Variants in FRAS1 observed in about 807,000 individuals in gnomAD.
FRAS1 encodes Fraser extracellular matrix complex subunit 1, also known as extracellular matrix organizing protein FRAS1.
Under a neutral mutation model 435.2 loss-of-function variants are expected in FRAS1, and 290 were observed. That is an observed-to-expected ratio of 0.67 (90% confidence interval 0.61 to 0.73). FRAS1 has a LOEUF of 0.73. Ranked by LOEUF, FRAS1 falls within the 30% of genes least tolerant of loss-of-function variation. The pLI is 0.00. For missense variants in FRAS1, 4,860 were observed against 5,001.5 expected (o/e 0.97, Z 0.85); for synonymous variants, 1,800 against 1,851.0 (o/e 0.97, Z 0.71).
At chr4:78,469,897 G>T (rs1719649414) in intron 50 of FRAS1, 81 bp from the exon 51 acceptor site, 1 of 983,830 alleles carries the variant, frequency 1.0e-6, no homozygotes, top group Non-Finnish European at 1.6e-6. Context: ...GACTTCAGAG[G>T]TTACAGCTGT....
At chr4:78,125,227 T>A (rs1719277522) in intron 2 of FRAS1, among the ~76,000 whole-genome samples, 1 of 152,240 alleles carries the variant, frequency 6.6e-6, no homozygotes, top group Non-Finnish European at 1.5e-5. Flanking sequence ...TCTTTATTTC[T>A]GACTTTATTT....
At position 78,162,248 on chromosome 4, in the gene FRAS1, A is replaced by C. The variant is rs184735652; in HGVS notation, c.109-75262A>C. On this transcript the variant is annotated intron_variant, in intron 2 of 73. Coordinates refer to ENST00000512123, the MANE Select transcript of FRAS1 (RefSeq NM_025074.7). ...CTATACCTGAAAGGATCCACAAGAAAAAGGTTTTTAAACCAGTATACGTGG... is the reference window on the plus strand; with the variant it reads ...CTATACCTGAAAGGATCCACAAGAACAAGGTTTTTAAACCAGTATACGTGG... Among the ~76,000 whole-genome samples, 419 of 152,302 alleles carry C rather than the reference A, an allele frequency of 2.8e-3. 5 individuals are homozygous for C. The highest frequency in any genetic ancestry group is 2.1e-3 in the Non-Finnish European group (141 of 68,024).
At position 78,497,373 on chromosome 4, in the gene FRAS1, T is replaced by C. The variant is rs574661760; in HGVS notation, c.9115+412T>C. ...ATTTCTCAGTTTTCTTCTCTCTAAT[T>C]GATTTGGCCTACTAACCTAAAAAAA... On this transcript the variant is annotated intron_variant, in intron 60 of 73. Transcript: ENST00000512123. Among the ~76,000 whole-genome samples, 131 of 150,820 alleles carry C rather than the reference T, an allele frequency of 8.7e-4. 1 individual carries two copies. In the Middle Eastern group the frequency reaches 0.024, roughly 28 times the overall value.
At chr4:78,306,199 C>G (rs1457211752) in intron 14 of FRAS1, among the ~76,000 whole-genome samples, 1 of 151,960 alleles carries the variant, frequency 6.6e-6, no homozygotes, top group Non-Finnish European at 1.5e-5. Flanking sequence ...CCCCCACTCT[C>G]TTCTGGCTTG....
intron 54 of FRAS1, among the ~76,000 whole-genome samples, chr4:78,477,241 T>C (rs1719878756): frequency 2.6e-5 from 4 of 152,240 alleles, no homozygotes; most frequent in Admixed American, 2.6e-4. Flanking sequence ...ATGGTGATAC[T>C]AATGATAATA....
chr4:78,325,720 T>G (rs139281068), intron 18 of FRAS1, among the ~76,000 whole-genome samples: 87 of 152,036 alleles, frequency 5.7e-4, no homozygotes, highest in African/African-American at 1.9e-3. Context: ...AAGCAAACAA[T>G]GAAAAGAGCA....
chr4:78,412,216 T>C (rs991806281), intron 31 of FRAS1, among the ~76,000 whole-genome samples: 4 of 149,912 alleles, frequency 2.7e-5, no homozygotes, highest in Non-Finnish European at 5.9e-5. Flanking sequence ...TATCCCTGCC[T>C]CTTTTTCTCA....
At chr4:78,493,399 C>A (rs900923738) in intron 59 of FRAS1, among the ~76,000 whole-genome samples, 1 of 152,118 alleles carries the variant, frequency 6.6e-6, no homozygotes, top group Non-Finnish European at 1.5e-5. Flanking sequence ...GACTTGGAAC[C>A]AACCCAAATG....
At chr4:78,231,336 G>A (rs976893132) in intron 2 of FRAS1, among the ~76,000 whole-genome samples, 4 of 151,150 alleles carry the variant, frequency 2.6e-5, no homozygotes, top group Non-Finnish European at 5.9e-5. Flanking sequence ...GTTGAAAAAC[G>A]GAAAATACAG....
rs1269069077 is a variant in FRAS1 at position 78,348,009 on chromosome 4, A to T, written c.2422+10192A>T. Among the ~76,000 whole-genome samples the T allele has an allele frequency of 4.2e-4, 3 of 7,194 alleles. 1 individual carries two copies. The highest frequency in any genetic ancestry group is 3.5e-3 in the East Asian group (3 of 860). The allele number at this position is 7,194 out of a possible 152,430, so 4.7% of individuals were successfully genotyped here. ...GAGGAGCCAAGATGGCCGAATAGGA[A>T]CAGCTCCGGTCTACAGCTCCCAGCG... On this transcript the variant is annotated intron_variant, in intron 20 of 73. Transcript: ENST00000512123.
rs1729213616 is a variant in FRAS1, at chr4:78,315,672, A to T, written c.1757A>T (p.Asp586Val). ...TGTACTGAGAAGACAGTGCTGCATG[A>T]TGGGAAATGCATGTCTGAATGCCCT... ...LTCTEKTVLH[D>V]GKCMSECPGG... The change falls in exon 16 of 74, where the codon GAT becomes GTT. Residue 586 changes from aspartate (D) to valine (V), a missense_variant. By Grantham distance (152) the Asp-to-Val change is radical. Coordinates refer to ENST00000512123, the MANE Select transcript of FRAS1 (RefSeq NM_025074.7). The T allele has an allele frequency of 1.2e-6, 2 of 1,613,926 alleles. No homozygotes were observed. Among genetic ancestry groups the T allele is most frequent in the Non-Finnish European group, 1.7e-6 (2 of 1,179,864 alleles).
At chr4:78,372,020 T>A (rs1027878571) in intron 23 of FRAS1, among the ~76,000 whole-genome samples, 2 of 152,002 alleles carry the variant, frequency 1.3e-5, no homozygotes, top group African/African-American at 2.4e-5. Flanking sequence ...TGATGACAAG[T>A]TCTACACCTA....
chr4:78,212,411 A>G (rs1324938234), intron 2 of FRAS1, among the ~76,000 whole-genome samples: 1 of 152,138 alleles, frequency 6.6e-6, no homozygotes, highest in Non-Finnish European at 1.5e-5. Context: ...GGAGCTTAAG[A>G]AAGGGAGAGG....
chr4:78,335,136 C>T (rs1245705376), intron 19 of FRAS1, among the ~76,000 whole-genome samples: 1 of 152,112 alleles, frequency 6.6e-6, no homozygotes, highest in African/African-American at 2.4e-5. Flanking sequence ...TTACTTTCTC[C>T]CTCTTAATGA....
intron 2 of FRAS1, among the ~76,000 whole-genome samples, chr4:78,122,860 T>G (rs1381248282): frequency 6.6e-6 from 1 of 152,258 alleles, no homozygotes; most frequent in Non-Finnish European, 1.5e-5. Context: ...AAGTTCTTTG[T>G]AGATTTTGGA....
chr4:78,233,941 A>G (rs1225636851), intron 2 of FRAS1, among the ~76,000 whole-genome samples: 1 of 152,186 alleles, frequency 6.6e-6, no homozygotes, highest in Non-Finnish European at 1.5e-5. Flanking sequence ...TTTGTGTAGC[A>G]TTGACTACAG....
At chr4:78,273,247 T>C (rs1726807494) in intron 9 of FRAS1, among the ~76,000 whole-genome samples, 1 of 152,230 alleles carries the variant, frequency 6.6e-6, no homozygotes, top group Non-Finnish European at 1.5e-5. Context: ...TATACAACCA[T>C]GTCCTCTGCA....
intron 31 of FRAS1, among the ~76,000 whole-genome samples, chr4:78,412,729 A>C (rs1399054971): frequency 6.6e-6 from 1 of 152,196 alleles, no homozygotes; most frequent in Non-Finnish European, 1.5e-5. Context: ...ATGATTTTTT[A>C]TTGCTTATTT....
chr4:78,286,346 G>A lies in FRAS1; in HGVS notation c.1400-59G>A, dbSNP rs1278600346. On this transcript the variant is annotated intron_variant, in intron 13 of 73. Coordinates refer to ENST00000512123, the MANE Select transcript of FRAS1 (RefSeq NM_025074.7). ...GCTGTGTAAGCACTGGCATGGGGGT[G>A]GTGTCTTTCAGCTAATCAAATGGTT... is the stretch of plus-strand genomic sequence containing the variant. 2.5e-6 allele frequency: 4 copies of A among 1,599,040 alleles called. No homozygotes were observed. In the African/African-American group the frequency reaches 4.0e-5, roughly 16 times the overall value.
Sources: gnomAD v4.1 joint callset for allele counts (sites outside exome capture counted in the v4.1 genomes callset) on GRCh38, gnomAD v4.1.1 for gene constraint, MANE v1.5 for transcripts, NCBI Gene and HGNC (gene_info 2026-07-23, HGNC 2026-07-21) for gene names.